DMP1: variants seen among roughly 807,000 people sequenced by gnomAD.
The protein encoded by DMP1 is dentin matrix protein 1.
A neutral mutation model predicts 14.6 loss-of-function variants in DMP1; 20 were observed. The ratio of observed to expected loss-of-function variants is 1.37; its 90% confidence interval spans 0.96 to 1.99. The LOEUF (loss-of-function observed/expected upper bound fraction) is 1.99. DMP1 is among the 30% of genes most tolerant of loss of function. The probability of loss-of-function intolerance (pLI) is 0.00; values close to 1 mark genes in which losing one functional copy is unlikely to be tolerated. For missense variants in DMP1, 567 were observed against 620.5 expected (o/e 0.91, Z 0.92); for synonymous variants, 197 against 215.3 (o/e 0.91, Z 0.75).
rs748018810 is a variant in DMP1, at chr4:87,662,955, T to C, written c.1177T>C (p.Ser393Pro). Residue 393 changes from serine (S) to proline (P), a missense_variant, in exon 6 of 6, where the codon TCC becomes CCC. Coordinates refer to ENST00000339673, the MANE Select transcript of DMP1 (RefSeq NM_004407.4). ...CGAGGAGGACAGCTCGCACACACTC[T>C]CCCACTCAAAAAGTGAATCCAGAGA... ...SSEEDSSHTL[S>P]HSKSESREEQ... 2 of 1,613,848 alleles carry C rather than the reference T, an allele frequency of 1.2e-6. No individual in the cohort carries two copies. Among genetic ancestry groups the C allele is most frequent in the Admixed American group, 1.7e-5 (1 of 59,980 alleles).
rs745396074 is a variant in DMP1, at chr4:87,656,532, T to G, written c.40T>G (p.Ser14Ala). The change falls in exon 2 of 6, where the codon TCC becomes GCC. Residue 14 changes from serine to alanine, a missense_variant. Physicochemically the swap from Ser to Ala is moderately conservative, Grantham distance 99. Coordinates refer to ENST00000339673, the MANE Select transcript of DMP1 (RefSeq NM_004407.4). The stretch of plus-strand genomic sequence containing the variant: ...CCTGCTCATGTTCCTTTGGGGATTA[T>G]CCTGTGCTCTCCCAGTAAGTATTAG... Reference protein sequence around the residue: ...SILLMFLWGLSCALPVTRYQN... With the variant: ...SILLMFLWGLACALPVTRYQN... 1.9e-6 allele frequency: 3 copies of G among 1,608,104 alleles called. No individual in the cohort carries two copies. In the Admixed American group the frequency reaches 5.0e-5, roughly 27 times the overall value.
chr4:87,662,461 G>A lies in DMP1; in HGVS notation c.683G>A (p.Gly228Glu). 1 of 1,614,174 alleles carries A rather than the reference G, an allele frequency of 6.2e-7. No individual in the cohort carries two copies. The highest frequency in any genetic ancestry group is 8.5e-7 in the Non-Finnish European group (1 of 1,180,044). Reference protein sequence around the residue: ...DDPESIRSERGNSRMNSAGMK... With the variant: ...DDPESIRSERENSRMNSAGMK... ...CCAGAGAGCATCAGGAGTGAAAGGG[G>A]AAACTCCAGAATGAACAGTGCAGGC... Residue 228 changes from glycine to glutamate, a missense_variant, in exon 6 of 6, where the codon GGA (glycine) becomes GAA (glutamate). Coordinates refer to ENST00000339673, the MANE Select transcript of DMP1 (RefSeq NM_004407.4).
At position 87,662,735 on chromosome 4, in the gene DMP1, A is replaced by T. The variant is rs1454396341; in HGVS notation, c.957A>T (p.Glu319Asp). 6.2e-7 allele frequency: 1 copy of T among 1,614,132 alleles called. No homozygotes were observed. The highest frequency in any genetic ancestry group is 1.1e-5 in the South Asian group (1 of 91,082). Residue 319 changes from glutamate to aspartate, a missense_variant, in exon 6 of 6, where the codon GAA becomes GAT. By Grantham distance (45) the Glu-to-Asp change is conservative. Coordinates refer to ENST00000339673, the MANE Select transcript of DMP1 (RefSeq NM_004407.4). ...GAGACAGCAAGGGTGACTCTCAAGA[A>T]GACAGCAAGGAGAATCTGTCCCAGG... is the stretch of plus-strand genomic sequence containing the variant. ...PRRDSKGDSQEDSKENLSQEE... is the reference protein window; with the variant it reads ...PRRDSKGDSQDDSKENLSQEE...
intron 5 of DMP1, among the ~76,000 whole-genome samples, 195 bp from the exon 6 acceptor site, chr4:87,661,767 T>A (rs1028868647): frequency 6.6e-6 from 1 of 151,672 alleles, no homozygotes; most frequent in Non-Finnish European, 1.5e-5. Context: ...CTATATAAAA[T>A]GGAACCACTT....
intron 5 of DMP1, among the ~76,000 whole-genome samples, chr4:87,659,940 G>C (rs1176962353): frequency 6.6e-6 from 1 of 152,266 alleles, no homozygotes; most frequent in Non-Finnish European, 1.5e-5. Flanking sequence ...AACTGCTTCA[G>C]TGATGACTTT....
intron 3 of DMP1, among the ~76,000 whole-genome samples, chr4:87,658,061 G>A (rs983421227): frequency 1.3e-5 from 2 of 152,140 alleles, no homozygotes; most frequent in East Asian, 1.9e-4. Context: ...AACCAGAGAC[G>A]CACAAACATG....
At chr4:87,653,410 TA>T (rs1271117271) in intron 1 of DMP1, among the ~76,000 whole-genome samples, 5 of 116,762 alleles carry the variant, frequency 4.3e-5, no homozygotes, top group Non-Finnish European at 8.6e-5. Flanking sequence ...TATATATATA[TA>T]TATATATATA....
chr4:87,663,010 G>C lies in DMP1; in HGVS notation c.1232G>C (p.Ser411Thr). 1 of 1,614,174 alleles carries C rather than the reference G, an allele frequency of 6.2e-7. No individual in the cohort carries two copies. The highest frequency in any genetic ancestry group is 8.5e-7 in the Non-Finnish European group (1 of 1,180,018). ...EEQADSESSE[S>T]LNFSEESPES... The stretch of plus-strand genomic sequence containing the variant: ...CAAGCAGACAGCGAATCCAGTGAGA[G>C]CCTCAACTTCTCAGAGGAAAGCCCG... The change falls in exon 6 of 6, where the codon AGC becomes ACC. Residue 411 changes from serine to threonine, a missense_variant. Ser to Thr is a moderately conservative substitution (Grantham distance 58). Coordinates refer to ENST00000339673, the MANE Select transcript of DMP1 (RefSeq NM_004407.4).
chr4:87,653,149 T>C (rs1333079641), intron 1 of DMP1, among the ~76,000 whole-genome samples: 1 of 151,570 alleles, frequency 6.6e-6, no homozygotes, highest in African/African-American at 2.4e-5. Context: ...CTATGCGAAT[T>C]AGAATAAAGA....
At position 87,663,277 on chromosome 4, in the gene DMP1, C is replaced by T; in HGVS notation, c.1499C>T (p.Pro500Leu). 1 of 1,614,176 alleles carries T rather than the reference C, an allele frequency of 6.2e-7. No homozygotes were observed. Among genetic ancestry groups the T allele is most frequent in the African/African-American group, 1.3e-5 (1 of 75,042 alleles). Reference protein sequence around the residue: ...KLTVDAYHNKPIGDQDDNDCQ... With the variant: ...KLTVDAYHNKLIGDQDDNDCQ... ...ACAGTTGATGCCTATCACAACAAACCCATTGGGGACCAAGATGACAATGAC... is the reference window on the plus strand; with the variant it reads ...ACAGTTGATGCCTATCACAACAAACTCATTGGGGACCAAGATGACAATGAC... The change falls in exon 6 of 6, where the codon CCC becomes CTC. Residue 500 changes from proline (P) to leucine (L), a missense_variant. Pro to Leu is a moderately conservative substitution (Grantham distance 98). Coordinates refer to ENST00000339673, the MANE Select transcript of DMP1 (RefSeq NM_004407.4).
chr4:87,656,041 T>C (rs1425408657), intron 1 of DMP1, among the ~76,000 whole-genome samples: 1 of 152,126 alleles, frequency 6.6e-6, no homozygotes, highest in Admixed American at 6.5e-5. Context: ...GTTCACAGAG[T>C]TGTGCAACCT....
chr4:87,656,023 T>C (rs1050368353), intron 1 of DMP1, among the ~76,000 whole-genome samples: 5 of 152,176 alleles, frequency 3.3e-5, no homozygotes, highest in Admixed American at 6.6e-5. Flanking sequence ...CTCAGTGGTT[T>C]TCAGTATGTT....
At chr4:87,661,812 T>C (rs1251947567) in intron 5 of DMP1, 150 bp from the exon 6 acceptor site, 2 of 1,410,676 alleles carry the variant, frequency 1.4e-6, no homozygotes, top group Non-Finnish European at 1.9e-6. Context: ...ATTTAAGCTC[T>C]GGTAGAGAGG....
intron 1 of DMP1, among the ~76,000 whole-genome samples, chr4:87,653,386 GATATATAT>G (rs57266829): frequency 0.019 from 1,070 of 57,718 alleles, 22 homozygotes; most frequent in South Asian, 0.026. Flanking sequence ...ATTATCGAGT[GATATATAT>G]ATATATATAT....
intron 5 of DMP1, among the ~76,000 whole-genome samples, chr4:87,661,444 G>A (rs892977939): frequency 1.3e-5 from 2 of 151,648 alleles, no homozygotes; most frequent in East Asian, 3.9e-4. Flanking sequence ...GGATGGTCTC[G>A]ATCTCCTGAC....
intron 5 of DMP1, among the ~76,000 whole-genome samples, chr4:87,659,860 G>A (rs1192940403): frequency 6.6e-6 from 1 of 152,164 alleles, no homozygotes; most frequent in East Asian, 1.9e-4. Flanking sequence ...AAGTGCCTGG[G>A]AGCTTCTATG....
chr4:87,653,610 C>A (rs933843720), intron 1 of DMP1, among the ~76,000 whole-genome samples: 2 of 151,144 alleles, frequency 1.3e-5, no homozygotes, highest in Non-Finnish European at 3.0e-5. Context: ...ATTTTTAATT[C>A]TTAGATCAAG....
chr4:87,664,119 T>C lies in DMP1; in HGVS notation c.*799T>C, dbSNP rs563220149. The C allele has an allele frequency of 5.9e-5, 9 of 152,366 alleles. No homozygotes were observed. The East Asian group carries it at 1.5e-3, about 26-fold the overall frequency. 9.4% of individuals were successfully genotyped at this position (152,366 alleles called of 1,614,324 possible). A position where few individuals can be genotyped will look rare whatever the true frequency, so the allele number is the denominator to read the frequency against. On this transcript the variant is annotated 3_prime_UTR_variant, in exon 6 of 6. Coordinates refer to ENST00000339673, the MANE Select transcript of DMP1 (RefSeq NM_004407.4). ...ACATCACCTTACTAATCACTGGTGATGATAAGAAGGATTGGGTCAGGAAGA... is the reference window on the plus strand; with the variant it reads ...ACATCACCTTACTAATCACTGGTGACGATAAGAAGGATTGGGTCAGGAAGA...
chr4:87,653,210 T>C (rs2627700), intron 1 of DMP1, among the ~76,000 whole-genome samples: 42,615 of 150,610 alleles, frequency 0.28, 6,612 homozygotes, highest in African/African-American at 0.41. Context: ...ATGCCCATAA[T>C]ATACATGAGA....
Sources: allele counts gnomAD v4.1 joint callset (sites outside exome capture counted in the v4.1 genomes callset), GRCh38; gene constraint gnomAD v4.1.1; transcripts MANE v1.5; gene names NCBI Gene and HGNC (gene_info 2026-07-23, HGNC 2026-07-21).